The following ATF3 variants were observed in gnomAD, a reference collection of about 807,000 sequenced individuals.
ATF3 encodes the protein activating transcription factor 3, also known as cyclic AMP-dependent transcription factor ATF-3.
Under a neutral mutation model 18.4 loss-of-function variants are expected in ATF3, and 10 were observed. The ratio of observed to expected loss-of-function variants is 0.54; its 90% CI spans 0.34 to 0.92. ATF3 has a LOEUF of 0.92. Among genes scored for constraint, ATF3 ranks in the 40% least tolerant of loss-of-function variants. ATF3 has a pLI of 0.02. For synonymous variants in ATF3, 78 were observed against 87.9 expected, an observed-to-expected ratio of 0.89 and a Z score of 0.63; for missense variants, 183 against 222.3, an observed-to-expected ratio of 0.82 and a Z score of 1.12.
chr1:212,607,912 A>T (rs1337028781), upstream of ATF3, among the ~76,000 whole-genome samples: 1 of 151,824 alleles, frequency 6.6e-6, no homozygotes, highest in Non-Finnish European at 1.5e-5. Context: ...TGATTGTAAA[A>T]AAAAAAAAAT....
intron 1 of ATF3, among the ~76,000 whole-genome samples, chr1:212,589,041 G>A (rs1664832773): frequency 6.6e-6 from 1 of 151,942 alleles, no homozygotes; most frequent in East Asian, 1.9e-4. Flanking sequence ...GCATCGCTTT[G>A]AACATTTGAA....
At chr1:212,571,359 A>G (rs957128165) in intron 1 of ATF3, among the ~76,000 whole-genome samples, 2 of 152,140 alleles carry the variant, frequency 1.3e-5, no homozygotes, top group Non-Finnish European at 2.9e-5. Flanking sequence ...TTTTTTCTAA[A>G]TAATCAGTTA....
upstream of ATF3, among the ~76,000 whole-genome samples, chr1:212,606,996 C>A (rs1456624273): frequency 6.6e-6 from 1 of 152,012 alleles, no homozygotes; most frequent in Admixed American, 6.6e-5. Context: ...GCACTTCCCG[C>A]GCGACGCCGC....
rs574087506 is a variant in ATF3, at chr1:212,618,444, G to T, written c.348+210G>T. The stretch of plus-strand genomic sequence containing the variant: ...TGTGACGGTGGATGTATAAAAACAG[G>T]TGTGTGAATTCGTCTGATGCCTGAC... On this transcript the variant is annotated intron_variant, in intron 3 of 3. Transcript: ENST00000341491. The surrounding 1 kb of genome is among the most constrained non-coding windows in gnomAD (Gnocchi z 4.4). 1.0e-5 allele frequency: 6 copies of T among 599,584 alleles called. No homozygotes were observed. Among genetic ancestry groups the T allele is most frequent in the Non-Finnish European group, 3.0e-6 (1 of 333,982 alleles). 37.1% of individuals were successfully genotyped at this position (599,584 alleles called of 1,614,324 possible). A position where few individuals can be genotyped will look rare whatever the true frequency, so the allele number is the denominator to read the frequency against.
intron 1 of ATF3, among the ~76,000 whole-genome samples, chr1:212,589,761 A>G (rs531787647): frequency 6.6e-6 from 1 of 151,874 alleles, no homozygotes; most frequent in South Asian, 2.1e-4. Context: ...AAAAAGTCAC[A>G]TAAGCTAATT....
chr1:212,584,427 G>A (rs1480592136), intron 1 of ATF3, among the ~76,000 whole-genome samples: 2 of 152,078 alleles, frequency 1.3e-5, no homozygotes, highest in Non-Finnish European at 2.9e-5. Flanking sequence ...TCCAGTCTGA[G>A]GCTGGGAGGC....
chr1:212,587,214 T>C (rs1664795609), intron 1 of ATF3, among the ~76,000 whole-genome samples: 1 of 152,176 alleles, frequency 6.6e-6, no homozygotes, highest in African/African-American at 2.4e-5. Context: ...CCTACAATAA[T>C]AATACCGTGC....
In ATF3 at chr1:212,619,254, C is replaced by A; in HGVS notation, c.349-104C>A. 1.2e-6 allele frequency: 2 copies of A among 1,610,968 alleles called. No individual in the cohort carries two copies. Among genetic ancestry groups the A allele is most frequent in the Non-Finnish European group, 1.7e-6 (2 of 1,179,546 alleles). ...CTTCCTCTCGCAGCTTGATGAGCCCCGGTGTGTCCCAGGTACACCCCTGCA... is the reference window on the plus strand; with the variant it reads ...CTTCCTCTCGCAGCTTGATGAGCCCAGGTGTGTCCCAGGTACACCCCTGCA... On this transcript the variant is annotated intron_variant, in intron 3 of 3. Transcript: ENST00000341491. The surrounding 1 kb of genome is among the most constrained non-coding windows in gnomAD (Gnocchi z 4.4).
upstream of ATF3, among the ~76,000 whole-genome samples, chr1:212,604,402 A>G (rs969222622): frequency 9.9e-5 from 15 of 152,098 alleles, no homozygotes; most frequent in African/African-American, 3.6e-4. Context: ...GTAGATGTCT[A>G]TGGTTGTTGA....
At chr1:212,600,621 AG>A (rs1293503025) in intron 1 of ATF3, among the ~76,000 whole-genome samples, 1 of 152,208 alleles carries the variant, frequency 6.6e-6, no homozygotes, top group Non-Finnish European at 1.5e-5. Context: ...TCCCTTGCCT[AG>A]AAAACGGTCG....
chr1:212,613,777 C>T (rs1412985789), intron 1 of ATF3: 1 of 152,376 alleles, frequency 6.6e-6, no homozygotes, highest in African/African-American at 2.4e-5. Context: ...AAATGGCCAC[C>T]ACTGGAGGGA....
chr1:212,616,586 C>G (rs1289746681), intron 2 of ATF3, among the ~76,000 whole-genome samples: 2 of 152,192 alleles, frequency 1.3e-5, no homozygotes, highest in African/African-American at 4.8e-5. Flanking sequence ...GTGTGAGCCA[C>G]CACGCCCAGC....
At chr1:212,609,387 G>GT (rs1290003180) in intron 1 of ATF3, among the ~76,000 whole-genome samples, 1 of 140,372 alleles carries the variant, frequency 7.1e-6, no homozygotes, top group Non-Finnish European at 1.6e-5. Flanking sequence ...GGGGGGGGGG[G>GT]GCGCAGAGAG....
intron 1 of ATF3, among the ~76,000 whole-genome samples, chr1:212,603,103 G>A (rs982706422): frequency 2.4e-4 from 36 of 151,706 alleles, no homozygotes; most frequent in African/African-American, 7.8e-4. Flanking sequence ...GAGAATCACC[G>A]CCAAACATCT....
At chr1:212,572,740 A>G (rs1056372422) in intron 1 of ATF3, among the ~76,000 whole-genome samples, 3 of 152,218 alleles carry the variant, frequency 2.0e-5, no homozygotes, top group African/African-American at 7.2e-5. Context: ...TAATTTTTTC[A>G]TACGGGTCCT....
chr1:212,595,457 C>A (rs1232480768), intron 1 of ATF3, among the ~76,000 whole-genome samples: 1 of 152,246 alleles, frequency 6.6e-6, no homozygotes, highest in Non-Finnish European at 1.5e-5. Context: ...AGCTCAGTGG[C>A]TCTACATGGA....
upstream of ATF3, among the ~76,000 whole-genome samples, chr1:212,608,037 G>T (rs1360680549): frequency 6.6e-6 from 1 of 152,212 alleles, no homozygotes; most frequent in Non-Finnish European, 1.5e-5. Flanking sequence ...CCAGCCGAGG[G>T]CTGCCCTCCG....
intron 1 of ATF3, among the ~76,000 whole-genome samples, chr1:212,594,817 A>T (rs919264376): frequency 6.6e-6 from 1 of 152,210 alleles, no homozygotes; most frequent in Non-Finnish European, 1.5e-5. Context: ...TGGGCCCCTT[A>T]CAGGCCTACA....
intron 1 of ATF3, among the ~76,000 whole-genome samples, chr1:212,591,050 C>G (rs1485833526): frequency 2.6e-5 from 4 of 152,240 alleles, no homozygotes; most frequent in Non-Finnish European, 4.4e-5. Flanking sequence ...CTGATCCCAA[C>G]TTTTTCAGCC....
Sources: allele counts gnomAD v4.1 joint callset (sites outside exome capture counted in the v4.1 genomes callset), GRCh38; gene constraint gnomAD v4.1.1; non-coding constraint Gnocchi (gnomAD v3.1); transcripts MANE v1.5; gene names NCBI Gene and HGNC (gene_info 2026-07-23, HGNC 2026-07-21).